The following ASIC3 variants were observed in gnomAD, a reference collection of about 807,000 sequenced individuals.
The protein encoded by ASIC3 is acid sensing ion channel subunit 3.
Under a neutral mutation model 58.6 loss-of-function variants are expected in ASIC3, and 46 were observed. The observed-to-expected ratio is 0.79, with a 90% CI of 0.62 to 1.00. ASIC3 has a LOEUF of 1.00. ASIC3 is among the 50% of genes least tolerant of loss of function. The probability of loss-of-function intolerance (pLI) is 0.00; values close to 1 mark genes in which losing one functional copy is unlikely to be tolerated. For synonymous variants in ASIC3, 336 were observed against 300.2 expected (o/e 1.12, Z -1.23); for missense variants, 770 against 735.0 (o/e 1.05, Z -0.55).
chr7:151,051,270 G>A lies in ASIC3; in HGVS notation c.1165G>A (p.Ala389Thr), dbSNP rs1796772073. 1 of 1,530,026 alleles carries A rather than the reference G, an allele frequency of 6.5e-7. No individual in the cohort carries two copies. Among genetic ancestry groups the A allele is most frequent in the Non-Finnish European group, 8.7e-7 (1 of 1,146,644 alleles). The allele number at this position is 1,530,026 out of a possible 1,614,324, so 94.8% of individuals were successfully genotyped here. A position where few individuals can be genotyped will look rare whatever the true frequency, so the allele number is the denominator to read the frequency against. ...CATGGTGCGGATCCCGAGCCGCGCC[G>A]CCGCGCGCTTCCTGGCCCGGAAGCT... is the stretch of plus-strand genomic sequence containing the variant. ...LSMVRIPSRA[A>T]ARFLARKLNR... The change falls in exon 6 of 11, where the codon GCC becomes ACC. Residue 389 changes from alanine (A) to threonine (T), a missense_variant. Physicochemically the swap from Ala to Thr is moderately conservative, Grantham distance 58. Coordinates refer to ENST00000349064, the MANE Select transcript of ASIC3 (RefSeq NM_004769.4).
chr7:151,049,528 C>A, intron 1 of ASIC3, 109 bp downstream of exon 1: 1 of 1,332,536 alleles, frequency 7.5e-7, no homozygotes, highest in Non-Finnish European at 1.0e-6. Flanking sequence ...GCCAGGGGAC[C>A]TCTTCCTTCC....
At chr7:151,049,463 C>T (rs781030978) in intron 1 of ASIC3, 44 bp downstream of exon 1, 20 of 1,532,902 alleles carry the variant, frequency 1.3e-5, no homozygotes, top group African/African-American at 9.5e-5. Context: ...CCCAGAGAGC[C>T]GACCAGTCCC....
chr7:151,050,031 C>G (rs1796729551), intron 1 of ASIC3, 75 bp from the exon 2 acceptor site: 1 of 1,593,406 alleles, frequency 6.3e-7, no homozygotes. Context: ...GCAAACATAC[C>G]ATGAGGTGGG....
In ASIC3 at chr7:151,049,325, C is replaced by T. The variant is rs143756561; in HGVS notation, c.440C>T (p.Ala147Val). The T allele has an allele frequency of 2.1e-5, 34 of 1,612,982 alleles. No homozygotes were observed. In the Admixed American group the frequency reaches 4.8e-4, roughly 23 times the overall value. Residue 147 changes from alanine to valine, a missense_variant, in exon 1 of 11, where the codon GCG (alanine) becomes GTG (valine). Transcript: ENST00000349064. Reference protein sequence around the residue: ...GFMPSPTFDMAQLYARAGHSL... With the variant: ...GFMPSPTFDMVQLYARAGHSL... Reference sequence around the variant, plus strand: ...ATGCCCAGTCCCACCTTTGACATGGCGCAACTCTATGCCCGTGCTGGGCAC... The same window carrying T: ...ATGCCCAGTCCCACCTTTGACATGGTGCAACTCTATGCCCGTGCTGGGCAC...
chr7:151,048,847 C>T lies in ASIC3; in HGVS notation c.-39C>T. 6.6e-7 allele frequency: 1 copy of T among 1,521,938 alleles called. No homozygotes were observed. Among genetic ancestry groups the T allele is most frequent in the Non-Finnish European group, 8.8e-7 (1 of 1,135,346 alleles). The allele number at this position is 1,521,938 out of a possible 1,614,324, so 94.3% of individuals were successfully genotyped here. A position where few individuals can be genotyped will look rare whatever the true frequency, so the allele number is the denominator to read the frequency against. Reference sequence around the variant, plus strand: ...CCTGACTGACTCTCTCTCGCTTCTTCCAAGCCTCTGTAGCTGGTTCCGCTC... The same window carrying T: ...CCTGACTGACTCTCTCTCGCTTCTTTCAAGCCTCTGTAGCTGGTTCCGCTC... On this transcript the variant is annotated 5_prime_UTR_variant, in exon 1 of 11. Coordinates refer to ENST00000349064, the MANE Select transcript of ASIC3 (RefSeq NM_004769.4).
In ASIC3 at chr7:151,052,446, C is replaced by A; in HGVS notation, c.1489C>A (p.Gln497Lys). Reference protein sequence around the residue: ...LQEGLGSHRTQVPHLSLGPRP... With the variant: ...LQEGLGSHRTKVPHLSLGPRP... ...GGAAGGGCTGGGCAGCCATCGAACC[C>A]AAGTTCCCCACCTCAGCCTGGGCCC... Residue 497 changes from glutamine to lysine, a missense_variant, in exon 10 of 11, where the codon CAA becomes AAA. Gln to Lys is a moderately conservative substitution (Grantham distance 53). Coordinates refer to ENST00000349064, the MANE Select transcript of ASIC3 (RefSeq NM_004769.4). This position sits in a 1 kb window ranked among gnomAD's most constrained non-coding sequence, Gnocchi z 5.0. 7 of 1,614,082 alleles carry A rather than the reference C, an allele frequency of 4.3e-6. No homozygotes were observed. The highest frequency in any genetic ancestry group is 5.9e-6 in the Non-Finnish European group (7 of 1,179,978).
Position 151,050,628 on chromosome 7 carries a change from C to T in ASIC3, c.813+20C>T. The stretch of plus-strand genomic sequence containing the variant: ...CAGCAGGTACCCTTCCGTGTGCCTC[C>T]ACACCTACTACTTCAAGCCCACACC... On this transcript the variant is annotated intron_variant, in intron 3 of 10. Transcript: ENST00000349064. 6.2e-7 allele frequency: 1 copy of T among 1,613,654 alleles called. No individual in the cohort carries two copies. The highest frequency in any genetic ancestry group is 8.5e-7 in the Non-Finnish European group (1 of 1,179,704).
In ASIC3 at chr7:151,048,680, A is replaced by C. The variant is rs1257195118; in HGVS notation, c.-206A>C. 3 of 595,004 alleles carry C rather than the reference A, an allele frequency of 5.0e-6. No individual in the cohort carries two copies. The East Asian group carries it at 8.4e-5, about 17-fold the overall frequency. The allele number at this position is 595,004 out of a possible 1,614,324, so 36.9% of individuals were successfully genotyped here. A position where few individuals can be genotyped will look rare whatever the true frequency, so the allele number is the denominator to read the frequency against. On this transcript the variant is annotated 5_prime_UTR_variant, in exon 1 of 11. Transcript: ENST00000349064. ...GCCACCGCCTGTTCCTCGGGAAGGAACAGTGGGACCTGACCGGCCAGATCA... is the reference window on the plus strand; with the variant it reads ...GCCACCGCCTGTTCCTCGGGAAGGACCAGTGGGACCTGACCGGCCAGATCA...
chr7:151,051,407 C>G (rs1796776780), intron 6 of ASIC3, 88 bp downstream of exon 6: 1 of 1,384,522 alleles, frequency 7.2e-7, no homozygotes, highest in Non-Finnish European at 9.3e-7. Context: ...CCCTAGTGCG[C>G]ACAGCCCGGG....
Position 151,050,611 on chromosome 7 carries a change from A to G in ASIC3, c.813+3A>G. 2 of 1,613,778 alleles carry G rather than the reference A, an allele frequency of 1.2e-6. No homozygotes were observed. The highest frequency in any genetic ancestry group is 2.2e-5 in the East Asian group (1 of 44,862). On this transcript the variant is annotated splice_donor_region_variant and intron_variant, in intron 3 of 10. Transcript: ENST00000349064. ...TTGTTTCTTGCCAGCAGCAGCAGGTACCCTTCCGTGTGCCTCCACACCTAC... is the reference window on the plus strand; with the variant it reads ...TTGTTTCTTGCCAGCAGCAGCAGGTGCCCTTCCGTGTGCCTCCACACCTAC...
rs764943608 is a variant in ASIC3, at chr7:151,050,528, G to C, written c.733G>C (p.Glu245Gln). 6.2e-7 allele frequency: 1 copy of C among 1,614,018 alleles called. No homozygotes were observed. The highest frequency in any genetic ancestry group is 2.2e-5 in the East Asian group (1 of 44,880). The change falls in exon 3 of 11, where the codon GAG (glutamate) becomes CAG (glutamine). Residue 245 changes from glutamate (E) to glutamine (Q), a missense_variant. Physicochemically the swap from Glu to Gln is conservative, Grantham distance 29. Transcript: ENST00000349064. ...GATCCGAGTGCAGATCCACAGCCAG[G>C]AGGAGCCGCCCATCATCGATCAGCT... ...VGIRVQIHSQ[E>Q]EPPIIDQLGL... is the part of the protein sequence containing the mutation.
At position 151,051,108 on chromosome 7, in the gene ASIC3, C is replaced by T. The variant is rs752303895; in HGVS notation, c.1066+13C>T. 2 of 1,608,250 alleles carry T rather than the reference C, an allele frequency of 1.2e-6. No individual in the cohort carries two copies. Among genetic ancestry groups the T allele is most frequent in the Non-Finnish European group, 1.7e-6 (2 of 1,178,806 alleles). The stretch of plus-strand genomic sequence containing the variant: ...CACCCGGCCATAGGTAAGGGCGAGC[C>T]TCCCCCACCTCCCGTCCGCCCCGCT... On this transcript the variant is annotated intron_variant, in intron 5 of 10. Transcript: ENST00000349064.
chr7:151,049,971 C>A, intron 1 of ASIC3, 135 bp from the exon 2 acceptor site: 3 of 1,156,570 alleles, frequency 2.6e-6, no homozygotes, highest in Non-Finnish European at 3.7e-6. Context: ...CCCACTGGAG[C>A]GTGGGGCTGG....
chr7:151,051,142 GGGCGTCTGACGCGGCCCGGT>G lies in ASIC3; in HGVS notation c.1067-26_1067-7del. 1 of 1,599,374 alleles carries G rather than the reference GGGCGTCTGACGCGGCCCGGT, an allele frequency of 6.3e-7. No individual in the cohort carries two copies. Among genetic ancestry groups the G allele is most frequent in the Non-Finnish European group, 8.5e-7 (1 of 1,176,248 alleles). ...CTCCCGTCCGCCCCGCTCCGCCCGCGGGCGTCTGACGCGGCCCGGTGGCCCGCAGATGCCATGCTTCGCAA... is the reference window on the plus strand; with the variant it reads ...CTCCCGTCCGCCCCGCTCCGCCCGCGGGCCCGCAGATGCCATGCTTCGCAA... On this transcript the variant is annotated splice_polypyrimidine_tract_variant and intron_variant, in intron 5 of 10. Coordinates refer to ENST00000349064, the MANE Select transcript of ASIC3 (RefSeq NM_004769.4).
intron 2 of ASIC3, 37 bp from the exon 3 acceptor site, chr7:151,050,444 C>T: frequency 6.2e-7 from 1 of 1,608,008 alleles, no homozygotes; most frequent in Non-Finnish European, 8.5e-7. Flanking sequence ...GGAGACCTGA[C>T]CACACAGGTC....
chr7:151,048,816 T>C lies in ASIC3; in HGVS notation c.-70T>C, dbSNP rs536371738. On this transcript the variant is annotated 5_prime_UTR_variant, in exon 1 of 11. Coordinates refer to ENST00000349064, the MANE Select transcript of ASIC3 (RefSeq NM_004769.4). ...CTCCTGAATCCTATCTTAGCCTCCT[T>C]AGCCCCCTGACTGACTCTCTCTCGC... 1,717 of 1,504,030 alleles carry C rather than the reference T, an allele frequency of 1.1e-3. 3 individuals carry two copies. Among genetic ancestry groups the C allele is most frequent in the Non-Finnish European group, 1.4e-3 (1,607 of 1,124,010 alleles). The allele number at this position is 1,504,030 out of a possible 1,614,324, so 93.2% of individuals were successfully genotyped here. A position where few individuals can be genotyped will look rare whatever the true frequency, so the allele number is the denominator to read the frequency against.
At chr7:151,051,719 T>G in intron 6 of ASIC3, 91 bp from the exon 7 acceptor site, 3 of 1,351,464 alleles carry the variant, frequency 2.2e-6, no homozygotes, top group Non-Finnish European at 3.1e-6. Context: ...CCAGGGTTCT[T>G]GAAAGGAGTG....
chr7:151,048,546 G>C lies in ASIC3; in HGVS notation c.-340G>C, dbSNP rs1291337868. 3.3e-6 allele frequency: 1 copy of C among 305,924 alleles called. No individual in the cohort carries two copies. The highest frequency in any genetic ancestry group is 1.2e-4 in the South Asian group (1 of 8,004). The allele number at this position is 305,924 out of a possible 1,614,324, so 19.0% of individuals were successfully genotyped here. A position where few individuals can be genotyped will look rare whatever the true frequency, so the allele number is the denominator to read the frequency against. ...AAACCCAATCCTCTGCAGCAGCGCCGGCTCAGCACCGCCGGCTCAGCACCG... is the reference window on the plus strand; with the variant it reads ...AAACCCAATCCTCTGCAGCAGCGCCCGCTCAGCACCGCCGGCTCAGCACCG... On this transcript the variant is annotated 5_prime_UTR_variant, in exon 1 of 11. Coordinates refer to ENST00000349064, the MANE Select transcript of ASIC3 (RefSeq NM_004769.4).
At chr7:151,050,413 G>A in intron 2 of ASIC3, 68 bp from the exon 3 acceptor site, 1 of 1,590,760 alleles carries the variant, frequency 6.3e-7, no homozygotes, top group Non-Finnish European at 8.6e-7. Context: ...GCTGCAGTGA[G>A]AGGTCTTGTC....
Sources: allele counts gnomAD v4.1 joint callset, GRCh38; gene constraint gnomAD v4.1.1; non-coding constraint Gnocchi (gnomAD v3.1); transcripts MANE v1.5; gene names NCBI Gene and HGNC (gene_info 2026-07-23, HGNC 2026-07-21).